Variants in LRRC66 observed in about 807,000 individuals in gnomAD.
The protein encoded by LRRC66 is leucine-rich repeat-containing protein 66.
In LRRC66, 29 loss-of-function variants were observed where a neutral mutation model predicts 24.6. The ratio of observed to expected loss-of-function variants is 1.18; its 90% confidence interval spans 0.88 to 1.61. LRRC66 has a LOEUF of 1.61. LRRC66 is among the 40% of genes most tolerant of loss of function. The pLI is 0.00. For synonymous variants in LRRC66, 411 were observed against 397.6 expected (o/e 1.03, Z -0.40); for missense variants, 1,124 against 1,058.0 (o/e 1.06, Z -0.87).
At chr4:52,012,343 G>T (rs980197630) in intron 2 of LRRC66, among the ~76,000 whole-genome samples, 5 of 152,144 alleles carry the variant, frequency 3.3e-5, no homozygotes, top group Non-Finnish European at 5.9e-5. Context: ...CAAGAGGAAG[G>T]TAAACTTCTT....
chr4:52,003,480 T>C, intron 2 of LRRC66, 88 bp from the exon 3 acceptor site: 1 of 1,123,466 alleles, frequency 8.9e-7, no homozygotes, highest in Non-Finnish European at 1.3e-6. Flanking sequence ...GAGACAACAT[T>C]AAGAGTTCTC....
chr4:52,001,919 T>G (rs1041651163), intron 3 of LRRC66, among the ~76,000 whole-genome samples: 3 of 152,232 alleles, frequency 2.0e-5, no homozygotes, highest in Non-Finnish European at 2.9e-5. Context: ...AATAGATGAC[T>G]AATACACCTA....
chr4:52,018,640 C>T lies in LRRC66; in HGVS notation c.-5-1022G>A, dbSNP rs933425768. 3.3e-5 allele frequency: 32 copies of T among 958,632 alleles called. No homozygotes were observed. In the East Asian group the frequency reaches 4.6e-4, roughly 14 times the overall value. 59.4% of individuals were successfully genotyped at this position (958,632 alleles called of 1,614,324 possible). On this transcript the variant is annotated intron_variant, in intron 1 of 4. Transcript: ENST00000682860. ...CCAAAGGATTATTTTCCTACAATAA[C>T]GTATTTCCTATATTATTCCTTCATT...
intron 2 of LRRC66, among the ~76,000 whole-genome samples, chr4:52,010,602 C>A (rs1316679877): frequency 6.6e-6 from 1 of 152,142 alleles, no homozygotes; most frequent in East Asian, 1.9e-4. Flanking sequence ...TAATGGCCTG[C>A]AGCTACATCC....
At chr4:51,998,444 C>T (rs549250335) in intron 3 of LRRC66, among the ~76,000 whole-genome samples, 107 of 152,280 alleles carry the variant, frequency 7.0e-4, no homozygotes, top group Non-Finnish European at 1.4e-3. Flanking sequence ...GAGATGAAAT[C>T]TCACTATGTT....
In LRRC66 at chr4:52,010,682, A is replaced by G. The variant is rs1228289421; in HGVS notation, c.496+6436T>C. 2.0e-5 allele frequency among the ~76,000 whole-genome samples: 3 copies of G among 152,174 alleles called. No individual in the cohort carries two copies. In the East Asian group the frequency reaches 5.8e-4, roughly 29 times the overall value. ...TAGGAGACCATGATGTATATGTACC[A>G]CATTTTCTCTATCCAATCCACTGTT... On this transcript the variant is annotated intron_variant, in intron 2 of 4. Coordinates refer to ENST00000682860, the MANE Select transcript of LRRC66 (RefSeq NM_001024611.3).
chr4:51,993,896 T>C lies in LRRC66; in HGVS notation c.*483A>G, dbSNP rs1332405725. ...TCTTTGATGATCAAGTTGAACATCC[T>C]TGTCTTTGTCATCCTAAAGCTGTTC... On this transcript the variant is annotated 3_prime_UTR_variant, in exon 5 of 5. Transcript: ENST00000682860. 1 of 153,020 alleles carries C rather than the reference T, an allele frequency of 6.5e-6. No homozygotes were observed. The highest frequency in any genetic ancestry group is 1.5e-5 in the Non-Finnish European group (1 of 68,626). The allele number at this position is 153,020 out of a possible 1,614,324, so 9.5% of individuals were successfully genotyped here.
intron 3 of LRRC66, among the ~76,000 whole-genome samples, chr4:51,999,231 C>T (rs1422836480): frequency 6.6e-6 from 1 of 152,152 alleles, no homozygotes; most frequent in Non-Finnish European, 1.5e-5. Flanking sequence ...TGAATATAAT[C>T]TAGAAAGGCT....
chr4:51,996,121 T>C lies in LRRC66; in HGVS notation c.901A>G (p.Arg301Gly), dbSNP rs1242176491. The change falls in exon 5 of 5, where the codon AGG becomes GGG. Residue 301 changes from arginine to glycine, a missense_variant. By Grantham distance (125) the Arg-to-Gly change is moderately radical (BLOSUM62 -2). Transcript: ENST00000682860. ...NGGTPQSRIS[R>G]ETRLPPIHLH... is the part of the protein sequence containing the mutation. Reference sequence around the variant, plus strand: ...TGAATGGGAGGAAGGCGGGTTTCCCTGGAAATCCTGCTCTGGGGAGTGCCC... The same window carrying C: ...TGAATGGGAGGAAGGCGGGTTTCCCCGGAAATCCTGCTCTGGGGAGTGCCC... The C allele has an allele frequency of 6.2e-7, 1 of 1,614,026 alleles. No homozygotes were observed. Among genetic ancestry groups the C allele is most frequent in the Non-Finnish European group, 8.5e-7 (1 of 1,179,954 alleles).
chr4:51,994,862 ACTCT>A lies in LRRC66; in HGVS notation c.2156_2159del (p.Glu719ValfsTer28), dbSNP rs752937829. The A allele has an allele frequency of 7.4e-6, 12 of 1,613,970 alleles. No individual in the cohort carries two copies. The highest frequency in any genetic ancestry group is 1.0e-5 in the Non-Finnish European group (12 of 1,180,000). ...CTGCCTCTTCAGTCTTGCTCCTTGC[ACTCT>A]CTGAACTTATGGAGCTCAGAGTGAA... is the stretch of plus-strand genomic sequence containing the variant. On this transcript the variant is annotated frameshift_variant, in exon 5 of 5. Transcript: ENST00000682860. LOFTEE classifies it low-confidence loss of function (END_TRUNC).
intron 1 of LRRC66, chr4:52,018,019 A>G (rs2110205037): frequency 1.0e-6 from 1 of 985,452 alleles, no homozygotes; most frequent in Non-Finnish European, 1.2e-6. Context: ...TATCTACAAC[A>G]TAGTAATCAA....
At chr4:52,001,373 G>T (rs919915942) in intron 3 of LRRC66, among the ~76,000 whole-genome samples, 1 of 152,158 alleles carries the variant, frequency 6.6e-6, no homozygotes, top group East Asian at 1.9e-4. Context: ...GAAAACAGAG[G>T]CAGGAGTGCA....
intron 1 of LRRC66, among the ~76,000 whole-genome samples, chr4:52,018,770 C>T (rs115305963): frequency 6.6e-6 from 1 of 152,180 alleles, no homozygotes; most frequent in Admixed American, 6.5e-5. Context: ...TTGATAAGTT[C>T]ATGTGGAGCC....
At position 51,996,145 on chromosome 4, in the gene LRRC66, C is replaced by A; in HGVS notation, c.877G>T (p.Gly293Cys). Residue 293 changes from glycine (G) to cysteine (C), a missense_variant, in exon 5 of 5, where the codon GGC becomes TGC. Coordinates refer to ENST00000682860, the MANE Select transcript of LRRC66 (RefSeq NM_001024611.3). ...RSIGSEEANG[G>C]TPQSRISRET... ...CTGGAAATCCTGCTCTGGGGAGTGC[C>A]CCCGTTGGCCTCCTCACTCCCTGCA... 6.2e-7 allele frequency: 1 copy of A among 1,610,830 alleles called. No individual in the cohort carries two copies. The highest frequency in any genetic ancestry group is 8.5e-7 in the Non-Finnish European group (1 of 1,178,040).
chr4:52,018,911 TTGTTACCCA>T, intron 1 of LRRC66, among the ~76,000 whole-genome samples: 1 of 152,166 alleles, frequency 6.6e-6, no homozygotes, highest in Non-Finnish European at 1.5e-5. Flanking sequence ...AGTTTCGCTC[TTGTTACCCA>T]GGCTGGAGTG....
At chr4:52,012,170 A>C (rs980082877) in intron 2 of LRRC66, among the ~76,000 whole-genome samples, 3 of 152,156 alleles carry the variant, frequency 2.0e-5, no homozygotes, top group Admixed American at 2.0e-4. Flanking sequence ...CTGGGTGACA[A>C]GAGTGAGGCT....
chr4:52,003,279 T>C lies in LRRC66; in HGVS notation c.610A>G (p.Ser204Gly). 6.2e-7 allele frequency: 1 copy of C among 1,613,956 alleles called. No homozygotes were observed. Residue 204 changes from serine to glycine, a missense_variant, in exon 3 of 5, where the codon AGC (serine) becomes GGC (glycine). Physicochemically the swap from Ser to Gly is moderately conservative, Grantham distance 56. Transcript: ENST00000682860. ...GGGGGAATTTTGAATATCTTGTTGC[T>C]CTTTAAACAGAGATTCTCCAGTTGC... Reference protein sequence around the residue: ...CLQLENLCLKSNKIFKIPPQA... With the variant: ...CLQLENLCLKGNKIFKIPPQA...
chr4:52,009,722 C>A (rs1736656467), intron 2 of LRRC66, among the ~76,000 whole-genome samples: 1 of 152,110 alleles, frequency 6.6e-6, no homozygotes, highest in Non-Finnish European at 1.5e-5. Context: ...TGAAAAAACT[C>A]CTGTTCAGAT....
intron 2 of LRRC66, among the ~76,000 whole-genome samples, chr4:52,007,809 G>A (rs1167342103): frequency 6.6e-6 from 1 of 152,134 alleles, no homozygotes; most frequent in East Asian, 1.9e-4. Context: ...TTGCTTTCTT[G>A]GTTTCTGCTA....
Sources: allele counts gnomAD v4.1 joint callset (sites outside exome capture counted in the v4.1 genomes callset), GRCh38; gene constraint gnomAD v4.1.1; transcripts MANE v1.5; gene names NCBI Gene and HGNC (gene_info 2026-07-23, HGNC 2026-07-21).